The following APC2 variants were observed in gnomAD, a reference collection of about 807,000 sequenced individuals.
APC2 encodes adenomatous polyposis coli protein 2.
APC2 carries 41 observed loss-of-function variants against 72.5 expected under a neutral mutation model. The ratio of observed to expected loss-of-function variants is 0.57; its 90% confidence interval spans 0.44 to 0.73. APC2 has a LOEUF of 0.73. Ranked by LOEUF, APC2 falls within the 30% of genes least tolerant of loss-of-function variation. APC2 has a pLI of 0.00. For synonymous variants in APC2, 1,898 were observed against 1,612.0 expected, an observed-to-expected ratio of 1.18 and a Z score of -4.25; for missense variants, 3,729 against 3,403.4, an observed-to-expected ratio of 1.10 and a Z score of -2.38.
At chr19:1,455,613 C>G in intron 6 of APC2, 113 bp downstream of exon 6, 1 of 1,069,544 alleles carries the variant, frequency 9.3e-7, no homozygotes. Flanking sequence ...TCTTATGCCT[C>G]CTGGGTTGGG....
chr19:1,453,657 C>G (rs762739257), intron 4 of APC2, 46 bp downstream of exon 4: 6 of 1,551,818 alleles, frequency 3.9e-6, no homozygotes, highest in African/African-American at 1.4e-5. Flanking sequence ...GAGCATGACT[C>G]GGTCCCCAGC....
At position 1,467,972 on chromosome 19, in the gene APC2, T is replaced by C. The variant is rs2084052427; in HGVS notation, c.4671T>C (p.Ala1557=). 2 of 1,578,782 alleles carry C rather than the reference T, an allele frequency of 1.3e-6. No homozygotes were observed. Among genetic ancestry groups the C allele is most frequent in the Non-Finnish European group, 1.7e-6 (2 of 1,171,892 alleles). Residue 1557 remains alanine (A), a synonymous_variant, in exon 15 of 15, where the codon GCT becomes GCC. Coordinates refer to ENST00000590469, the MANE Select transcript of APC2 (RefSeq NM_005883.3). ...EAPAPSKAAP[A]APPPARTQPS... ...CTGCCCCGTCCAAGGCTGCACCAGC[T>C]GCCCCGCCGCCCGCCCGGACCCAGC...
Position 1,467,674 on chromosome 19 carries a change from C to T in APC2, c.4373C>T (p.Ala1458Val), listed in dbSNP as rs1273537617. The change falls in exon 15 of 15, where the codon GCG becomes GTG. Residue 1458 changes from alanine (A) to valine (V), a missense_variant. Physicochemically the swap from Ala to Val is moderately conservative, Grantham distance 64. Transcript: ENST00000590469. Reference protein sequence around the residue: ...AGRSAEQSRGAGKNRAGLELP... With the variant: ...AGRSAEQSRGVGKNRAGLELP... ...CGCAGCGCGGAGCAGTCTCGGGGCG[C>T]GGGCAAGAACAGAGCAGGGCTGGAG... 1.4e-6 allele frequency: 2 copies of T among 1,475,898 alleles called. No individual in the cohort carries two copies. Among genetic ancestry groups the T allele is most frequent in the Non-Finnish European group, 1.8e-6 (2 of 1,121,562 alleles). The allele number at this position is 1,475,898 out of a possible 1,614,324, so 91.4% of individuals were successfully genotyped here. A position where few individuals can be genotyped will look rare whatever the true frequency, so the allele number is the denominator to read the frequency against.
upstream of APC2, among the ~76,000 whole-genome samples, chr19:1,448,926 A>G (rs2083712732): frequency 6.6e-6 from 1 of 152,152 alleles, no homozygotes; most frequent in Non-Finnish European, 1.5e-5. Flanking sequence ...CCCAGACCCA[A>G]CCAGTGGGGA....
chr19:1,455,907 G>A (rs1275068069), intron 6 of APC2, among the ~76,000 whole-genome samples, 169 bp from the exon 7 acceptor site: 2 of 48,070 alleles, frequency 4.2e-5, no homozygotes, highest in African/African-American at 9.1e-5. Flanking sequence ...GGCTTAGGGA[G>A]CTGGCAGGGC....
chr19:1,450,161 G>A lies in APC2; in HGVS notation c.-196G>A. The stretch of plus-strand genomic sequence containing the variant: ...AGCGCTAGGAGCGGCAGCGCCGCCT[G>A]CCCAGGCCCGGACCGGGCTTTGTCC... On this transcript the variant is annotated 5_prime_UTR_variant, in exon 1 of 15. Transcript: ENST00000590469. 1.0e-6 allele frequency: 1 copy of A among 985,266 alleles called. No individual in the cohort carries two copies. The highest frequency in any genetic ancestry group is 4.7e-5 in the South Asian group (1 of 21,294). 61.0% of individuals were successfully genotyped at this position (985,266 alleles called of 1,614,324 possible). A position where few individuals can be genotyped will look rare whatever the true frequency, so the allele number is the denominator to read the frequency against.
chr19:1,460,851 C>G lies in APC2; in HGVS notation c.1515C>G (p.Leu505=). 1 of 1,613,190 alleles carries G rather than the reference C, an allele frequency of 6.2e-7. No homozygotes were observed. The highest frequency in any genetic ancestry group is 8.5e-7 in the Non-Finnish European group (1 of 1,179,950). ...VAQLASDSEE[L]HQVVSSILRN... Reference sequence around the variant, plus strand: ...AGCTGGCCTCCGACAGTGAGGAGCTCCACCAGGTACAGGGCGGGGTGCTGG... The same window carrying G: ...AGCTGGCCTCCGACAGTGAGGAGCTGCACCAGGTACAGGGCGGGGTGCTGG... The change falls in exon 12 of 15, where the codon CTC becomes CTG. Residue 505 remains leucine, a synonymous_variant. Coordinates refer to ENST00000590469, the MANE Select transcript of APC2 (RefSeq NM_005883.3).
chr19:1,469,479 C>A lies in APC2; in HGVS notation c.6178C>A (p.Arg2060=). The A allele has an allele frequency of 9.1e-7, 1 of 1,100,752 alleles. No individual in the cohort carries two copies. 68.2% of individuals were successfully genotyped at this position (1,100,752 alleles called of 1,614,324 possible). A position where few individuals can be genotyped will look rare whatever the true frequency, so the allele number is the denominator to read the frequency against. ...GCAGGGCCCGGCCCCGGCCCGGCAG[C>A]GGCCCCCCGCGGCCCGACCCAGCCC... ...PRQGPAPARQ[R]PPAARPSPGE... The change falls in exon 15 of 15, where the codon CGG becomes AGG. Residue 2060 remains arginine (R), a synonymous_variant. Transcript: ENST00000590469.
At position 1,466,797 on chromosome 19, in the gene APC2, A is replaced by G; in HGVS notation, c.3496A>G (p.Ser1166Gly). The change falls in exon 15 of 15, where the codon AGC becomes GGC. Residue 1166 changes from serine to glycine, a missense_variant. By Grantham distance (56) the Ser-to-Gly change is moderately conservative. Coordinates refer to ENST00000590469, the MANE Select transcript of APC2 (RefSeq NM_005883.3). ...PLVLSRCSSV[S>G]SLGSFESPSI... ...TGTGCTGAGCCGCTGCAGCTCTGTG[A>G]GCTCGCTGGGCAGCTTCGAGAGCCC... 6.4e-7 allele frequency: 1 copy of G among 1,551,280 alleles called. No homozygotes were observed.
rs374378343 is a variant in APC2, at chr19:1,457,895, C to CCGGGGGG, written c.1208-70_1208-69insCGGGGGG. 2.1e-5 allele frequency: 26 copies of CCGGGGGG among 1,251,692 alleles called. 1 individual carries two copies. In the African/African-American group the frequency reaches 5.3e-4, roughly 25 times the overall value. 77.5% of individuals were successfully genotyped at this position (1,251,692 alleles called of 1,614,324 possible). A position where few individuals can be genotyped will look rare whatever the true frequency, so the allele number is the denominator to read the frequency against. ...CTTCAGGCCTGGGGCGGGCGGGTTG[C>CCGGGGGG]GGGACCTTCGGGAGTCACCTGGGAC... On this transcript the variant is annotated intron_variant, in intron 9 of 14. Coordinates refer to ENST00000590469, the MANE Select transcript of APC2 (RefSeq NM_005883.3).
Position 1,450,176 on chromosome 19 carries a change from G to C in APC2, c.-181G>C, listed in dbSNP as rs1319658527. On this transcript the variant is annotated 5_prime_UTR_variant, in exon 1 of 15. Transcript: ENST00000590469. ...AGCGCCGCCTGCCCAGGCCCGGACC[G>C]GGCTTTGTCCGCCCCGGAGCCCCTG... 2.0e-6 allele frequency: 2 copies of C among 985,282 alleles called. No individual in the cohort carries two copies. The highest frequency in any genetic ancestry group is 2.4e-6 in the Non-Finnish European group (2 of 829,888). The allele number at this position is 985,282 out of a possible 1,614,324, so 61.0% of individuals were successfully genotyped here.
upstream of APC2, among the ~76,000 whole-genome samples, chr19:1,448,024 A>C (rs191940209): frequency 6.6e-6 from 1 of 152,074 alleles, no homozygotes. Flanking sequence ...AGTAAACAAG[A>C]CTGGAAACCG....
Position 1,460,656 on chromosome 19 carries a change from G to C in APC2, c.1444-124G>C, listed in dbSNP as rs111257022. The C allele has an allele frequency of 3.8e-5, 40 of 1,058,512 alleles. 2 individuals carry two copies. The African/African-American group carries it at 5.1e-4, about 13-fold the overall frequency. 65.6% of individuals were successfully genotyped at this position (1,058,512 alleles called of 1,614,324 possible). On this transcript the variant is annotated intron_variant, in intron 11 of 14. Coordinates refer to ENST00000590469, the MANE Select transcript of APC2 (RefSeq NM_005883.3). Reference sequence around the variant, plus strand: ...CCTGAGCATGGGGTAACCGTCCCCGGTAGTGGTCAGGATCAGCAGGGGTCT... The same window carrying C: ...CCTGAGCATGGGGTAACCGTCCCCGCTAGTGGTCAGGATCAGCAGGGGTCT...
Position 1,467,987 on chromosome 19 carries a change from C to G in APC2, c.4686C>G (p.Ala1562=), listed in dbSNP as rs778320373. 21 of 1,581,480 alleles carry G rather than the reference C, an allele frequency of 1.3e-5. No homozygotes were observed. Among genetic ancestry groups the G allele is most frequent in the South Asian group, 2.2e-5 (2 of 89,298 alleles). The change falls in exon 15 of 15, where the codon GCC becomes GCG. Residue 1562 remains alanine, a synonymous_variant. Coordinates refer to ENST00000590469, the MANE Select transcript of APC2 (RefSeq NM_005883.3). ...CTGCACCAGCTGCCCCGCCGCCCGC[C>G]CGGACCCAGCCCAGCCTCATTGCTG... is the stretch of plus-strand genomic sequence containing the variant. ...SKAAPAAPPP[A]RTQPSLIADE...
At chr19:1,448,329 A>G (rs989176717), upstream of APC2, among the ~76,000 whole-genome samples, 1 of 152,148 alleles carries the variant, frequency 6.6e-6, no homozygotes. Context: ...CGGGCGGATC[A>G]TGAGGTCAGG....
At chr19:1,454,407 C>G (rs1261836006) in intron 4 of APC2, among the ~76,000 whole-genome samples, 2 of 150,222 alleles carry the variant, frequency 1.3e-5, no homozygotes, top group East Asian at 3.9e-4. Flanking sequence ...GAAACAGGGT[C>G]TCACTCTGTC....
intron 4 of APC2, 26 bp from the exon 5 acceptor site, chr19:1,455,123 C>G (rs2083800347): frequency 6.7e-7 from 1 of 1,500,042 alleles, no homozygotes; most frequent in Non-Finnish European, 9.0e-7. Context: ...GCCCTCTGAG[C>G]CCGCCCCCGC....
At chr19:1,463,017 T>A (rs191315529) in intron 14 of APC2, among the ~76,000 whole-genome samples, 18 of 151,480 alleles carry the variant, frequency 1.2e-4, no homozygotes, top group Middle Eastern at 3.5e-3. Context: ...CCCTCACACC[T>A]GGAATCCCAG....
chr19:1,462,309 A>G (rs529333664), intron 14 of APC2, 132 bp downstream of exon 14: 1 of 814,440 alleles, frequency 1.2e-6, no homozygotes, highest in South Asian at 1.8e-5. Context: ...CAGCATAAAT[A>G]CGTCCCAAAT....
Sources: gnomAD v4.1 joint callset for allele counts (sites outside exome capture counted in the v4.1 genomes callset) on GRCh38, gnomAD v4.1.1 for gene constraint, MANE v1.5 for transcripts, NCBI Gene and HGNC (gene_info 2026-07-23, HGNC 2026-07-21) for gene names.